PI4K2A: variants seen among roughly 807,000 people sequenced by gnomAD.
PI4K2A encodes the protein phosphatidylinositol 4-kinase type 2-alpha.
A neutral mutation model predicts 55.0 loss-of-function variants in PI4K2A; 20 were observed. The observed-to-expected ratio is 0.36, with a 90% CI of 0.26 to 0.53. PI4K2A has a LOEUF of 0.53. Among genes scored for constraint, PI4K2A ranks in the 20% least tolerant of loss-of-function variants. The pLI is 0.91. For missense variants in PI4K2A, 463 were observed against 637.1 expected (o/e 0.73, Z 2.94); for synonymous variants, 235 against 258.5 (o/e 0.91, Z 0.87).
At chr10:97,663,013 A>G (rs770623285) in intron 5 of PI4K2A, 45 bp downstream of exon 5, 5 of 1,260,148 alleles carry the variant, frequency 4.0e-6, no homozygotes, top group Non-Finnish European at 5.8e-6. Flanking sequence ...GAGTATTTGC[A>G]TAATATAGAA....
chr10:97,641,055 C>G (rs1297542611), exon 1 of PI4K2A: 1 of 1,604,958 alleles, frequency 6.2e-7, no homozygotes, highest in Admixed American at 1.7e-5. Context: ...GAACGAGTTC[C>G]CGGAGGATCC....
At chr10:97,671,696 A>G (rs1000880837) in intron 8 of PI4K2A, among the ~76,000 whole-genome samples, 5 of 151,822 alleles carry the variant, frequency 3.3e-5, no homozygotes, top group Admixed American at 6.6e-5. Flanking sequence ...CTGGAGTGCA[A>G]TGGCACAATC....
chr10:97,645,427 T>G (rs2041500454), intron 1 of PI4K2A, among the ~76,000 whole-genome samples: 1 of 151,752 alleles, frequency 6.6e-6, no homozygotes. Context: ...GTTAACATGG[T>G]GAAACCCCAT....
chr10:97,665,573 T>A (rs925636153), intron 6 of PI4K2A, among the ~76,000 whole-genome samples: 3 of 143,208 alleles, frequency 2.1e-5, no homozygotes, highest in African/African-American at 7.8e-5. Context: ...TGCGCCTGGC[T>A]GAGGGCTATT....
chr10:97,642,870 T>C (rs1289829027), intron 1 of PI4K2A, among the ~76,000 whole-genome samples: 4 of 120,524 alleles, frequency 3.3e-5, no homozygotes, highest in South Asian at 2.6e-4. Flanking sequence ...TTTCTTTTTC[T>C]TTCTTTCTTT....
chr10:97,664,815 C>T, intron 5 of PI4K2A, 70 bp from the exon 6 acceptor site: 1 of 993,040 alleles, frequency 1.0e-6, no homozygotes, highest in East Asian at 2.4e-5. Flanking sequence ...GGATGAGTTG[C>T]TTTGCTACTA....
chr10:97,662,457 T>C (rs1564776013), intron 4 of PI4K2A, among the ~76,000 whole-genome samples: 1 of 152,182 alleles, frequency 6.6e-6, no homozygotes, highest in Non-Finnish European at 1.5e-5. Flanking sequence ...ATTTCAGGTG[T>C]TGAGGGGAGC....
intron 1 of PI4K2A, among the ~76,000 whole-genome samples, chr10:97,642,850 C>T (rs12357402): frequency 0.62 from 48,683 of 79,008 alleles, 14,926 homozygotes; most frequent in African/African-American, 0.67. Flanking sequence ...TTCCTTCCTT[C>T]CTTTCTTTCT....
chr10:97,659,499 TTTTA>T (rs2041570620), intron 4 of PI4K2A, among the ~76,000 whole-genome samples: 1 of 152,010 alleles, frequency 6.6e-6, no homozygotes, highest in South Asian at 2.1e-4. Flanking sequence ...TTTGGGTGCT[TTTTA>T]TTTCTTTTTT....
chr10:97,649,609 ATTTTTTTTTTTTTTT>A (rs60329004), intron 1 of PI4K2A, among the ~76,000 whole-genome samples: 36 of 70,556 alleles, frequency 5.1e-4, no homozygotes, highest in Admixed American at 7.9e-4. Flanking sequence ...TCCATAATAG[ATTTTTTTTTTTTTTT>A]TTTTTTTTTT....
chr10:97,647,729 C>G (rs1396846618), intron 1 of PI4K2A, among the ~76,000 whole-genome samples: 1 of 150,418 alleles, frequency 6.6e-6, no homozygotes, highest in African/African-American at 2.4e-5. Context: ...AACATTCCCT[C>G]ATTGATCTAG....
rs139822590 is a variant in PI4K2A, at chr10:97,646,950, A to G, written c.436-3991A>G. Among the ~76,000 whole-genome samples the G allele has an allele frequency of 1.9e-3, 263 of 139,930 alleles. 3 individuals are homozygous for G. Among genetic ancestry groups the G allele is most frequent in the African/African-American group, 6.5e-3 (248 of 38,290 alleles). 91.8% of individuals were successfully genotyped at this position (139,930 alleles called of 152,430 possible). On this transcript the variant is annotated intron_variant, in intron 1 of 8. Transcript: ENST00000370631. ...CCACCATGCCCGGCTAATTTTTTCT[A>G]TTTTTTTTTTTTGTAGAGATGGGGT...
chr10:97,667,624 C>T (rs980210563), intron 8 of PI4K2A, among the ~76,000 whole-genome samples: 1 of 152,190 alleles, frequency 6.6e-6, no homozygotes, highest in Admixed American at 6.5e-5. Flanking sequence ...GTATCCAGTG[C>T]TTGTTGAAGC....
Position 97,651,151 on chromosome 10 carries a change from C to A in PI4K2A, c.636+10C>A. On this transcript the variant is annotated intron_variant, in intron 2 of 8. Transcript: ENST00000370631. ...TGTTCCCCGTACAAAGGTCAGTGAC[C>A]CATCTCCAGGAAGCCTTACTGCCTG... The A allele has an allele frequency of 5.0e-6, 8 of 1,608,500 alleles. No homozygotes were observed. Among genetic ancestry groups the A allele is most frequent in the Non-Finnish European group, 6.0e-6 (7 of 1,176,434 alleles).
chr10:97,673,551 C>T, intron 8 of PI4K2A, 30 bp from the exon 9 acceptor site: 1 of 1,602,816 alleles, frequency 6.2e-7, no homozygotes, highest in Non-Finnish European at 8.5e-7. Context: ...TGAGGCCTCT[C>T]CCTCACCCAT....
intron 1 of PI4K2A, among the ~76,000 whole-genome samples, chr10:97,642,863 CTTTT>C (rs10688390): frequency 1.3e-5 from 1 of 76,976 alleles, no homozygotes; most frequent in South Asian, 3.8e-4. Context: ...TTCTTTCTTT[CTTTT>C]TCTTTCTTTC....
chr10:97,655,581 T>C (rs959681780), intron 2 of PI4K2A, among the ~76,000 whole-genome samples: 1 of 151,964 alleles, frequency 6.6e-6, no homozygotes, highest in African/African-American at 2.4e-5. Flanking sequence ...TTTTTTATCA[T>C]ATTTTTTTTG....
chr10:97,673,996 TCCCTTCCA>T, exon 9 of PI4K2A: 1 of 445,198 alleles, frequency 2.2e-6, no homozygotes, highest in South Asian at 4.1e-5. Flanking sequence ...AAGGAACATC[TCCCTTCCA>T]GCATCTGCTG....
chr10:97,650,067 CG>C (rs2041523321), intron 1 of PI4K2A, among the ~76,000 whole-genome samples: 1 of 151,912 alleles, frequency 6.6e-6, no homozygotes, highest in African/African-American at 2.4e-5. Flanking sequence ...AGAAAGATCC[CG>C]TAGGATAAAT....
Sources: gnomAD v4.1 joint callset for allele counts (sites outside exome capture counted in the v4.1 genomes callset) on GRCh38, gnomAD v4.1.1 for gene constraint, MANE v1.5 for transcripts, NCBI Gene and HGNC (gene_info 2026-07-23, HGNC 2026-07-21) for gene names.